UBASH3B: variants seen among roughly 807,000 people sequenced by gnomAD.
UBASH3B encodes ubiquitin associated and SH3 domain containing B.
UBASH3B carries 37 observed loss-of-function variants against 83.4 expected under a neutral mutation model. The observed-to-expected ratio is 0.44, with a 90% CI of 0.34 to 0.58. UBASH3B has a LOEUF of 0.58. Ranked by LOEUF, UBASH3B falls within the 20% of genes least tolerant of loss-of-function variation. UBASH3B has a pLI of 0.01. For missense variants in UBASH3B, 657 were observed against 827.2 expected (o/e 0.79, Z 2.52); for synonymous variants, 304 against 318.3 (o/e 0.96, Z 0.48).
At chr11:122,775,996 A>C (rs1450209979) in intron 1 of UBASH3B, 1 of 474,060 alleles carries the variant, frequency 2.1e-6, no homozygotes, top group Non-Finnish European at 3.7e-6. Context: ...GTCAGACTGC[A>C]TGCAAATCTG....
At chr11:122,784,090 G>C (rs1028584273) in intron 5 of UBASH3B, among the ~76,000 whole-genome samples, 20 of 151,922 alleles carry the variant, frequency 1.3e-4, no homozygotes, top group African/African-American at 4.8e-4. Flanking sequence ...ACAGGCACCC[G>C]CCACCACACT....
At chr11:122,799,975 TC>T (rs1861223705) in intron 10 of UBASH3B, among the ~76,000 whole-genome samples, 1 of 152,164 alleles carries the variant, frequency 6.6e-6, no homozygotes, top group African/African-American at 2.4e-5. Context: ...TAAGTAAACC[TC>T]TTCACTACCA....
chr11:122,773,870 G>A (rs1407128458), intron 1 of UBASH3B: 1 of 524,602 alleles, frequency 1.9e-6, no homozygotes, highest in Non-Finnish European at 2.4e-6. Context: ...ATTGGGGGAA[G>A]GGTGTAGAAA....
intron 13 of UBASH3B, among the ~76,000 whole-genome samples, chr11:122,808,591 G>A (rs984725108): frequency 9.2e-5 from 14 of 152,166 alleles, no homozygotes; most frequent in Non-Finnish European, 8.8e-5. Flanking sequence ...TTCAAATGAG[G>A]AGGCTAAAAG....
intron 1 of UBASH3B, among the ~76,000 whole-genome samples, chr11:122,764,578 C>T (rs1283538372): frequency 1.3e-5 from 2 of 152,238 alleles, no homozygotes; most frequent in Admixed American, 6.5e-5. Context: ...GCTATTCCCC[C>T]AAGGCTTCCC....
intron 1 of UBASH3B, among the ~76,000 whole-genome samples, chr11:122,674,539 C>A (rs575552139): frequency 6.6e-6 from 1 of 152,100 alleles, no homozygotes; most frequent in Admixed American, 6.6e-5. Flanking sequence ...CGCCACCACA[C>A]CCGGCTAATT....
chr11:122,664,931 C>T (rs1249520009), intron 1 of UBASH3B, among the ~76,000 whole-genome samples: 2 of 152,160 alleles, frequency 1.3e-5, no homozygotes, highest in South Asian at 2.1e-4. Flanking sequence ...TTTTTTGAGA[C>T]GGAGTCTCGC....
At chr11:122,703,194 G>C (rs1591776832) in intron 1 of UBASH3B, among the ~76,000 whole-genome samples, 1 of 152,112 alleles carries the variant, frequency 6.6e-6, no homozygotes, top group African/African-American at 2.4e-5. Flanking sequence ...TTGGGAGGCT[G>C]AGGTGGGCGG....
At chr11:122,666,084 G>GA (rs1291282499) in intron 1 of UBASH3B, among the ~76,000 whole-genome samples, 1 of 152,234 alleles carries the variant, frequency 6.6e-6, no homozygotes, top group Non-Finnish European at 1.5e-5. Context: ...TGGCAGTCTG[G>GA]AAAATGCCAG....
At position 122,795,492 on chromosome 11, in the gene UBASH3B, G is replaced by A. The variant is rs144802661; in HGVS notation, c.1113+658G>A. Among the ~76,000 whole-genome samples, 3 of 152,334 alleles carry A rather than the reference G, an allele frequency of 2.0e-5. No homozygotes were observed. In the East Asian group the frequency reaches 5.8e-4, roughly 29 times the overall value. ...GCTGACTGCATCAGAAAGACGGAATGCAGAAACAGCTGTAAGGTTCCATCC... is the reference window on the plus strand; with the variant it reads ...GCTGACTGCATCAGAAAGACGGAATACAGAAACAGCTGTAAGGTTCCATCC... On this transcript the variant is annotated intron_variant, in intron 7 of 13. Coordinates refer to ENST00000284273, the MANE Select transcript of UBASH3B (RefSeq NM_032873.5).
chr11:122,711,291 T>A (rs1053832044), intron 1 of UBASH3B, among the ~76,000 whole-genome samples: 2 of 152,244 alleles, frequency 1.3e-5, no homozygotes, highest in Non-Finnish European at 2.9e-5. Flanking sequence ...TTCGTAATCA[T>A]TTTAGTGCTT....
intron 10 of UBASH3B, among the ~76,000 whole-genome samples, chr11:122,800,531 G>C (rs75413945): frequency 2.6e-5 from 4 of 151,804 alleles, no homozygotes; most frequent in East Asian, 1.9e-4. Flanking sequence ...TTCAGCCTAG[G>C]TGACAGAGCA....
intron 1 of UBASH3B, among the ~76,000 whole-genome samples, chr11:122,692,576 C>G (rs528954207): frequency 1.3e-5 from 2 of 152,118 alleles, no homozygotes; most frequent in African/African-American, 4.8e-5. Flanking sequence ...GAATGGGCCC[C>G]GTGAGCCTTC....
At chr11:122,728,117 C>T (rs1466506985) in intron 1 of UBASH3B, among the ~76,000 whole-genome samples, 1 of 152,158 alleles carries the variant, frequency 6.6e-6, no homozygotes, top group Admixed American at 6.5e-5. Context: ...GTATTACAGG[C>T]GTGAGCTACC....
chr11:122,694,954 CTTTTTTTTTTTTT>C (rs71054088), intron 1 of UBASH3B, among the ~76,000 whole-genome samples: 2 of 50,416 alleles, frequency 4.0e-5, no homozygotes, highest in African/African-American at 6.9e-5. Flanking sequence ...TCTTTTCTTT[CTTTTTTTTTTTTT>C]TTTTTTTTTT....
At position 122,781,568 on chromosome 11, in the gene UBASH3B, G is replaced by T. The variant is rs547413484; in HGVS notation, c.602-1485G>T. On this transcript the variant is annotated intron_variant, in intron 4 of 13. Coordinates refer to ENST00000284273, the MANE Select transcript of UBASH3B (RefSeq NM_032873.5). Reference sequence around the variant, plus strand: ...TCCTGCTGTCATGAAGAACTTGGCCGGCTTCGTTTCTCTGCTGTTGTGTGG... The same window carrying T: ...TCCTGCTGTCATGAAGAACTTGGCCTGCTTCGTTTCTCTGCTGTTGTGTGG... Among the ~76,000 whole-genome samples the T allele has an allele frequency of 3.3e-5, 5 of 152,316 alleles. No homozygotes were observed. The South Asian group carries it at 1.0e-3, about 32-fold the overall frequency.
Position 122,807,986 on chromosome 11 carries a change from C to T in UBASH3B, c.1703-81C>T, listed in dbSNP as rs1591334495. 9 of 1,066,264 alleles carry T rather than the reference C, an allele frequency of 8.4e-6. No homozygotes were observed. In the South Asian group the frequency reaches 1.0e-4, roughly 12 times the overall value. The allele number at this position is 1,066,264 out of a possible 1,614,324, so 66.1% of individuals were successfully genotyped here. A position where few individuals can be genotyped will look rare whatever the true frequency, so the allele number is the denominator to read the frequency against. On this transcript the variant is annotated intron_variant, in intron 12 of 13. Transcript: ENST00000284273. Reference sequence around the variant, plus strand: ...TGAGTGTGTTTGCTCCCCTGCAGAGCATTTAGTTAGCTTCCAGTATTTGCA... The same window carrying T: ...TGAGTGTGTTTGCTCCCCTGCAGAGTATTTAGTTAGCTTCCAGTATTTGCA...
At chr11:122,747,325 A>G (rs1262837881) in intron 1 of UBASH3B, among the ~76,000 whole-genome samples, 1 of 152,216 alleles carries the variant, frequency 6.6e-6, no homozygotes, top group Non-Finnish European at 1.5e-5. Context: ...AGAATGAGTT[A>G]ATAGACCCAG....
chr11:122,674,470 T>A (rs1032060422), intron 1 of UBASH3B, among the ~76,000 whole-genome samples: 2 of 149,036 alleles, frequency 1.3e-5, no homozygotes, highest in Non-Finnish European at 3.0e-5. Flanking sequence ...AAGCTCCGCC[T>A]CCCCGGTTCA....
Sources: gnomAD v4.1 joint callset for allele counts (sites outside exome capture counted in the v4.1 genomes callset) on GRCh38, gnomAD v4.1.1 for gene constraint, MANE v1.5 for transcripts, NCBI Gene and HGNC (gene_info 2026-07-23, HGNC 2026-07-21) for gene names.